SUGCT: variants seen among roughly 807,000 people sequenced by gnomAD.
The protein encoded by SUGCT is succinyl-CoA:glutarate CoA-transferase.
A neutral mutation model predicts 55.0 loss-of-function variants in SUGCT; 41 were observed. That is an observed-to-expected ratio of 0.74 (90% CI 0.58 to 0.97). The LOEUF is 0.97. SUGCT is among the 50% of genes least tolerant of loss of function. SUGCT has a pLI of 0.00. For missense variants in SUGCT, 568 were observed against 547.8 expected, an observed-to-expected ratio of 1.04 and a Z score of -0.37; for synonymous variants, 187 against 200.4, an observed-to-expected ratio of 0.93 and a Z score of 0.56.
At chr7:40,220,012 C>T (rs1178155678) in intron 6 of SUGCT, among the ~76,000 whole-genome samples, 1 of 152,048 alleles carries the variant, frequency 6.6e-6, no homozygotes, top group Admixed American at 6.6e-5. Flanking sequence ...CGTTTGAAGG[C>T]AGTTTGTACT....
intron 9 of SUGCT, among the ~76,000 whole-genome samples, chr7:40,363,229 G>C (rs946818756): frequency 1.3e-5 from 2 of 151,710 alleles, no homozygotes; most frequent in African/African-American, 2.4e-5. Flanking sequence ...CTTGCTAGCG[G>C]TCTATCAATT....
At chr7:40,790,088 C>T (rs761835300) in intron 13 of SUGCT, among the ~76,000 whole-genome samples, 1 of 152,196 alleles carries the variant, frequency 6.6e-6, no homozygotes, top group Non-Finnish European at 1.5e-5. Context: ...AAAACTTCGA[C>T]ATGGTTTGGC....
In SUGCT at chr7:40,839,015, C is replaced by T. The variant is rs113096417; in HGVS notation, c.1154-21301C>T. ...CCTTTTCTGCATCAATTGATATGATCACATGATTTTTCTCCTTTAGCCTGT... is the reference window on the plus strand; with the variant it reads ...CCTTTTCTGCATCAATTGATATGATTACATGATTTTTCTCCTTTAGCCTGT... On this transcript the variant is annotated intron_variant, in intron 13 of 13. Transcript: ENST00000335693. Among the ~76,000 whole-genome samples, 545 of 147,734 alleles carry T rather than the reference C, an allele frequency of 3.7e-3. 1 individual carries two copies. Among genetic ancestry groups the T allele is most frequent in the African/African-American group, 0.013 (510 of 40,100 alleles).
intron 12 of SUGCT, among the ~76,000 whole-genome samples, chr7:40,600,515 A>G (rs1333854762): frequency 6.6e-6 from 1 of 152,224 alleles, no homozygotes; most frequent in African/African-American, 2.4e-5. Context: ...GGGCTTTCAC[A>G]TCAGTTTGGG....
intron 6 of SUGCT, among the ~76,000 whole-genome samples, chr7:40,228,176 C>T (rs577504211): frequency 2.4e-4 from 37 of 152,256 alleles, no homozygotes; most frequent in African/African-American, 8.2e-4. Flanking sequence ...AGCCACTGCA[C>T]CTGGTCTTTC....
intron 11 of SUGCT, among the ~76,000 whole-genome samples, chr7:40,486,796 G>A (rs1791383652): frequency 6.9e-6 from 1 of 145,396 alleles, no homozygotes; most frequent in South Asian, 2.2e-4. Flanking sequence ...TATAATCATA[G>A]CTTACTATAA....
chr7:40,761,104 T>C (rs1428527851), intron 13 of SUGCT, among the ~76,000 whole-genome samples: 1 of 152,208 alleles, frequency 6.6e-6, no homozygotes, highest in Non-Finnish European at 1.5e-5. Context: ...GTTTATCCAG[T>C]GTTTACTCTG....
intron 8 of SUGCT, among the ~76,000 whole-genome samples, chr7:40,308,005 T>G (rs1042945788): frequency 6.6e-6 from 1 of 152,210 alleles, no homozygotes; most frequent in East Asian, 1.9e-4. Flanking sequence ...ATTTCTCTTT[T>G]AGCATTTTGT....
intron 8 of SUGCT, among the ~76,000 whole-genome samples, chr7:40,304,505 G>T (rs562645599): frequency 1.3e-5 from 2 of 150,714 alleles, no homozygotes; most frequent in East Asian, 3.9e-4. Context: ...AAGTTCTTTA[G>T]TAGTGATTTC....
chr7:40,997,625 T>C, the SUGCT span, among the ~76,000 whole-genome samples: 2 of 152,206 alleles, frequency 1.3e-5, no homozygotes, highest in South Asian at 4.1e-4. Context: ...TTGCATCTCT[T>C]AGAAACCTTC....
intron 11 of SUGCT, among the ~76,000 whole-genome samples, chr7:40,474,740 C>G (rs1181869641): frequency 6.6e-6 from 1 of 152,156 alleles, no homozygotes; most frequent in Non-Finnish European, 1.5e-5. Flanking sequence ...AAGCTTGAAT[C>G]AAACTGCTCA....
At chr7:40,194,463 G>A (rs1439586625) in intron 5 of SUGCT, among the ~76,000 whole-genome samples, 5 of 152,100 alleles carry the variant, frequency 3.3e-5, no homozygotes, top group African/African-American at 7.2e-5. Context: ...TGTTGCCCAG[G>A]CTGGTCTTGA....
intron 12 of SUGCT, among the ~76,000 whole-genome samples, chr7:40,633,557 C>A (rs1016252691): frequency 1.2e-4 from 18 of 152,162 alleles, no homozygotes; most frequent in African/African-American, 4.3e-4. Flanking sequence ...GAAAGCGATA[C>A]CTTTTAGCAG....
the SUGCT span, among the ~76,000 whole-genome samples, chr7:40,943,558 A>C: frequency 6.7e-6 from 1 of 148,990 alleles, no homozygotes; most frequent in Non-Finnish European, 1.5e-5. Flanking sequence ...GCGATAGTTT[A>C]CTGAGAATGA....
chr7:40,620,434 C>T (rs767674460), intron 12 of SUGCT, among the ~76,000 whole-genome samples: 8 of 152,014 alleles, frequency 5.3e-5, no homozygotes, highest in African/African-American at 9.7e-5. Flanking sequence ...GACAGAGTCT[C>T]GTTCTGTTGC....
intron 7 of SUGCT, among the ~76,000 whole-genome samples, chr7:40,262,261 C>T (rs1323370629): frequency 6.6e-6 from 1 of 152,110 alleles, no homozygotes; most frequent in African/African-American, 2.4e-5. Context: ...GGCCATACCT[C>T]CCTGAACGTG....
At chr7:40,136,252 C>A (rs1229161698) in intron 1 of SUGCT, among the ~76,000 whole-genome samples, 1 of 152,180 alleles carries the variant, frequency 6.6e-6, no homozygotes, top group African/African-American at 2.4e-5. Flanking sequence ...CCTGCCTCTG[C>A]CTCCCGAAGT....
At chr7:40,886,554 T>G in the SUGCT span, among the ~76,000 whole-genome samples, 2 of 152,210 alleles carry the variant, frequency 1.3e-5, no homozygotes, top group African/African-American at 4.8e-5. Flanking sequence ...GAATTGTGTG[T>G]GGATAGCAAG....
intron 9 of SUGCT, among the ~76,000 whole-genome samples, chr7:40,420,929 A>G (rs1395658430): frequency 6.6e-6 from 1 of 152,140 alleles, no homozygotes; most frequent in Non-Finnish European, 1.5e-5. Flanking sequence ...TTTATTGATT[A>G]AAGCCCACTT....
Sources: allele counts gnomAD v4.1 joint callset (sites outside exome capture counted in the v4.1 genomes callset), GRCh38; gene constraint gnomAD v4.1.1; transcripts MANE v1.5; gene names NCBI Gene and HGNC (gene_info 2026-07-23, HGNC 2026-07-21).